TBC1D8: variants seen among roughly 807,000 people sequenced by gnomAD.
TBC1D8 encodes TBC1 domain family member 8, also known as BUB2-like protein 1.
TBC1D8 carries 65 observed loss-of-function variants against 118.8 expected under a neutral mutation model. The observed-to-expected ratio is 0.55, with a 90% CI of 0.45 to 0.67. The LOEUF (loss-of-function observed/expected upper bound fraction) is 0.67. Among genes scored for constraint, TBC1D8 ranks in the 30% least tolerant of loss-of-function variants. The pLI is 0.00. For synonymous variants in TBC1D8, 566 were observed against 595.8 expected (o/e 0.95, Z 0.73); for missense variants, 1,376 against 1,471.2 (o/e 0.94, Z 1.06).
intron 2 of TBC1D8, among the ~76,000 whole-genome samples, chr2:101,079,978 G>A (rs1432132869): frequency 1.1e-4 from 16 of 151,906 alleles, no homozygotes; most frequent in Middle Eastern, 3.4e-3. Context: ...GAGCCACCGC[G>A]CCCAGCCCCA....
intron 1 of TBC1D8, among the ~76,000 whole-genome samples, chr2:101,112,778 C>T (rs1677662688): frequency 6.6e-6 from 1 of 152,176 alleles, no homozygotes; most frequent in African/African-American, 2.4e-5. Context: ...AATCCCAAAC[C>T]TTCCTCCCTT....
At chr2:101,046,651 G>A (rs1681723214) in intron 5 of TBC1D8, among the ~76,000 whole-genome samples, 1 of 152,096 alleles carries the variant, frequency 6.6e-6, no homozygotes, top group African/African-American at 2.4e-5. Flanking sequence ...CCTAGTGGGA[G>A]CCGAGAAAGA....
chr2:101,009,393 G>C (rs1391682166), intron 19 of TBC1D8, among the ~76,000 whole-genome samples: 1 of 143,888 alleles, frequency 6.9e-6, no homozygotes, highest in Non-Finnish European at 1.5e-5. Flanking sequence ...GCGACAGAGT[G>C]AGACTCTGTC....
At chr2:101,028,208 A>G in intron 13 of TBC1D8, 62 bp from the exon 14 acceptor site, 1 of 1,599,338 alleles carries the variant, frequency 6.3e-7, no homozygotes, top group Non-Finnish European at 8.5e-7. Flanking sequence ...GGAAACAGGA[A>G]GTGGCCCAGG....
intron 2 of TBC1D8, among the ~76,000 whole-genome samples, chr2:101,076,557 T>G (rs553105771): frequency 1.3e-5 from 2 of 152,292 alleles, no homozygotes; most frequent in South Asian, 4.1e-4. Context: ...GTGCACAAAG[T>G]TAAATGATGC....
intron 1 of TBC1D8, among the ~76,000 whole-genome samples, chr2:101,096,796 G>GAAGA (rs1553418149): frequency 6.8e-6 from 1 of 146,502 alleles, no homozygotes; most frequent in Admixed American, 6.9e-5. Flanking sequence ...AGAGAGAGGG[G>GAAGA]GAGAGAGAGA....
intron 1 of TBC1D8, among the ~76,000 whole-genome samples, chr2:101,113,797 T>C (rs1181762660): frequency 6.6e-6 from 1 of 152,048 alleles, no homozygotes; most frequent in African/African-American, 2.4e-5. Context: ...TAGGCTCAAG[T>C]TCAAAATAAA....
intron 5 of TBC1D8, among the ~76,000 whole-genome samples, chr2:101,044,117 T>C (rs1681552254): frequency 6.6e-6 from 1 of 152,194 alleles, no homozygotes; most frequent in Admixed American, 6.5e-5. Flanking sequence ...GTCCTCACTT[T>C]CCCTGTAGAC....
chr2:101,096,483 A>G (rs1268679536), intron 1 of TBC1D8, among the ~76,000 whole-genome samples: 1 of 150,932 alleles, frequency 6.6e-6, no homozygotes, highest in Non-Finnish European at 1.5e-5. Context: ...TGAAGAGGTA[A>G]AGTAAGCATT....
intron 17 of TBC1D8, among the ~76,000 whole-genome samples, chr2:101,016,854 CAT>C (rs1478441120): frequency 2.0e-5 from 3 of 151,142 alleles, no homozygotes; most frequent in Non-Finnish European, 4.4e-5. Context: ...TGTTCTCACT[CAT>C]AGATGGGAAT....
chr2:101,094,333 G>T (rs1203510236), intron 1 of TBC1D8, among the ~76,000 whole-genome samples: 1 of 152,142 alleles, frequency 6.6e-6, no homozygotes. Flanking sequence ...AGGAACATCA[G>T]GTTGGGGACA....
chr2:101,098,001 T>C (rs1219007394), intron 1 of TBC1D8, among the ~76,000 whole-genome samples: 3 of 152,144 alleles, frequency 2.0e-5, no homozygotes, highest in African/African-American at 7.2e-5. Context: ...GGAAGTATAG[T>C]TGACATGCTA....
intron 5 of TBC1D8, among the ~76,000 whole-genome samples, chr2:101,043,594 G>T (rs993535252): frequency 3.9e-5 from 6 of 152,168 alleles, no homozygotes; most frequent in African/African-American, 1.4e-4. Flanking sequence ...CCACCAGAAG[G>T]GTGGGAGTAC....
chr2:101,027,921 T>TTA, intron 14 of TBC1D8, 127 bp downstream of exon 14: 1 of 818,496 alleles, frequency 1.2e-6, no homozygotes, highest in Non-Finnish European at 2.0e-6. Flanking sequence ...ACCCTTAAGT[T>TTA]GTTAATGTAA....
At chr2:101,104,341 T>A (rs1467919285) in intron 1 of TBC1D8, among the ~76,000 whole-genome samples, 3 of 152,194 alleles carry the variant, frequency 2.0e-5, no homozygotes, top group Non-Finnish European at 4.4e-5. Context: ...ACACACTATT[T>A]TGTAAATATT....
At chr2:101,011,412 G>T in intron 18 of TBC1D8, 39 bp downstream of exon 18, 1 of 1,586,600 alleles carries the variant, frequency 6.3e-7, no homozygotes, top group Non-Finnish European at 8.7e-7. Context: ...CCACTGCAGT[G>T]GTATGCAGGG....
chr2:101,009,568 G>A (rs1234607974), intron 19 of TBC1D8, among the ~76,000 whole-genome samples: 2 of 152,034 alleles, frequency 1.3e-5, no homozygotes, highest in African/African-American at 4.8e-5. Context: ...GTATCAGAAT[G>A]TTAATACTGA....
intron 5 of TBC1D8, among the ~76,000 whole-genome samples, chr2:101,047,455 GAA>G (rs1681781931): frequency 6.6e-6 from 1 of 152,218 alleles, no homozygotes; most frequent in Non-Finnish European, 1.5e-5. Flanking sequence ...GAGCGAGCAT[GAA>G]GAGACTGTTT....
intron 1 of TBC1D8, among the ~76,000 whole-genome samples, chr2:101,107,578 C>A (rs1677303939): frequency 6.6e-6 from 1 of 152,170 alleles, no homozygotes; most frequent in Admixed American, 6.5e-5. Flanking sequence ...TATTTCCTTG[C>A]TCTATCAGGA....
Sources: gnomAD v4.1 joint callset for allele counts (sites outside exome capture counted in the v4.1 genomes callset) on GRCh38, gnomAD v4.1.1 for gene constraint, MANE v1.5 for transcripts, NCBI Gene and HGNC (gene_info 2026-07-23, HGNC 2026-07-21) for gene names.